TMEM229B: variants seen among roughly 807,000 people sequenced by gnomAD.
The protein encoded by TMEM229B is chromosome 14 open reading frame 83.
TMEM229B carries 6 observed loss-of-function variants against 13.7 expected under a neutral mutation model. The observed-to-expected ratio is 0.44, with a 90% CI of 0.24 to 0.86. TMEM229B has a LOEUF of 0.86. Among genes scored for constraint, TMEM229B ranks in the 40% least tolerant of loss-of-function variants. The pLI, the probability that TMEM229B is intolerant of heterozygous loss-of-function variation, is 0.23. For missense variants in TMEM229B, 170 were observed against 236.0 expected, an observed-to-expected ratio of 0.72 and a Z score of 1.83; for synonymous variants, 107 against 102.1, an observed-to-expected ratio of 1.05 and a Z score of -0.29.
chr14:67,490,520 C>CTCA (rs1435633357), upstream of TMEM229B, among the ~76,000 whole-genome samples: 7 of 152,208 alleles, frequency 4.6e-5, no homozygotes, highest in African/African-American at 1.7e-4. Context: ...TGCTGGCACT[C>CTCA]TCAAAAGCCA....
chr14:67,487,629 A>G (rs2031956541), intron 1 of TMEM229B, among the ~76,000 whole-genome samples: 1 of 152,162 alleles, frequency 6.6e-6, no homozygotes, highest in South Asian at 2.1e-4. Context: ...GTGCAGAAAA[A>G]CAAAATGTGT....
chr14:67,474,914 CTTTTTTT>C (rs71129825), intron 2 of TMEM229B, among the ~76,000 whole-genome samples: 1 of 124,958 alleles, frequency 8.0e-6, no homozygotes, highest in East Asian at 2.3e-4. Flanking sequence ...GAATTTCCTT[CTTTTTTT>C]TTTTTTTTTT....
chr14:67,473,398 A>G lies in TMEM229B; in HGVS notation c.*22T>C, dbSNP rs759298940. 6.2e-6 allele frequency: 10 copies of G among 1,608,630 alleles called. No individual in the cohort carries two copies. Among genetic ancestry groups the G allele is most frequent in the Non-Finnish European group, 8.5e-6 (10 of 1,177,256 alleles). ...TCCATGAGTTCCATGAGAGATCCCC[A>G]GGCCCCCCACCCGCTTCCTGCTCAG... On this transcript the variant is annotated 3_prime_UTR_variant, in exon 3 of 3. Transcript: ENST00000554480. The surrounding 1 kb of genome is among the most constrained non-coding windows in gnomAD (Gnocchi z 6.5).
upstream of TMEM229B, among the ~76,000 whole-genome samples, chr14:67,489,800 C>T (rs890584903): frequency 6.6e-6 from 1 of 152,172 alleles, no homozygotes; most frequent in African/African-American, 2.4e-5. Context: ...ACCATCCTGG[C>T]TAACATGGTG....
intron 2 of TMEM229B, among the ~76,000 whole-genome samples, chr14:67,482,257 GA>G (rs2031630396): frequency 1.3e-5 from 2 of 152,294 alleles, no homozygotes; most frequent in South Asian, 4.1e-4. Context: ...GGTGGCAGGG[GA>G]CATGGCCAGC....
At chr14:67,498,594 A>T (rs1318265839) in intron 1 of TMEM229B, among the ~76,000 whole-genome samples, 1 of 152,224 alleles carries the variant, frequency 6.6e-6, no homozygotes, top group Admixed American at 6.5e-5. Context: ...GCCAAGAAAG[A>T]CGAAGGAATG....
chr14:67,512,055 G>A (rs372659090), intron 1 of TMEM229B, among the ~76,000 whole-genome samples: 3 of 152,314 alleles, frequency 2.0e-5, no homozygotes, highest in Admixed American at 6.5e-5. Context: ...ATTCTGGTAC[G>A]TAAATTCTGA....
rs757183130 is a variant in TMEM229B, at chr14:67,508,753, C to CAAAAAAAAAAAAA, written c.-192+6320_-192+6332dup. The stretch of plus-strand genomic sequence containing the variant: ...TGGGTGACAGAGCAAAACCTTGTCT[C>CAAAAAAAAAAAAA]AAAAAAAAAAAAAAAAAACAGAAGA... On this transcript the variant is annotated intron_variant, in intron 1 of 2. Transcript: ENST00000357461. 1.1e-3 allele frequency among the ~76,000 whole-genome samples: 50 copies of CAAAAAAAAAAAAA among 46,712 alleles called. 8 individuals carry two copies. The highest frequency in any genetic ancestry group is 1.5e-3 in the Non-Finnish European group (32 of 21,312). 30.6% of individuals were successfully genotyped at this position (46,712 alleles called of 152,430 possible).
At chr14:67,488,752 C>T (rs1039090075), upstream of TMEM229B, 2 of 152,424 alleles carry the variant, frequency 1.3e-5, no homozygotes, top group Non-Finnish European at 2.9e-5. Flanking sequence ...AGACCACATC[C>T]TGCCGGCACA....
intron 1 of TMEM229B, among the ~76,000 whole-genome samples, chr14:67,507,762 A>T (rs759428730): frequency 4.6e-5 from 7 of 152,182 alleles, no homozygotes; most frequent in Non-Finnish European, 8.8e-5. Flanking sequence ...CAAGACATAA[A>T]GGTTGCTCCC....
At chr14:67,492,078 C>T (rs890807325), upstream of TMEM229B, among the ~76,000 whole-genome samples, 2 of 152,198 alleles carry the variant, frequency 1.3e-5, no homozygotes, top group African/African-American at 4.8e-5. Context: ...TCCCTCTCCT[C>T]TCCCCCTTCC....
intron 1 of TMEM229B, among the ~76,000 whole-genome samples, chr14:67,507,031 A>G (rs753785247): frequency 2.0e-5 from 3 of 152,146 alleles, no homozygotes; most frequent in Non-Finnish European, 4.4e-5. Context: ...TTCAAAGGGA[A>G]CTGAAGATAG....
chr14:67,486,506 C>A (rs1428689836), intron 2 of TMEM229B, among the ~76,000 whole-genome samples: 4 of 152,140 alleles, frequency 2.6e-5, no homozygotes, highest in Non-Finnish European at 4.4e-5. Flanking sequence ...ATCTGTTGAC[C>A]TTGCGATCCA....
rs187637148 is a variant in TMEM229B at position 67,497,947 on chromosome 14, G to A, written c.-191-10775C>T. Among the ~76,000 whole-genome samples, 28 of 152,120 alleles carry A rather than the reference G, an allele frequency of 1.8e-4. No homozygotes were observed. The East Asian group carries it at 4.8e-3, about 26-fold the overall frequency. ...ACCACATATTAGAATACATAATGAT[G>A]TATTGCTGGGGCTCAGAAACCAATA... On this transcript the variant is annotated intron_variant, in intron 1 of 2. Transcript: ENST00000357461.
chr14:67,519,855 T>G (rs1002281699), upstream of TMEM229B, among the ~76,000 whole-genome samples: 2 of 152,168 alleles, frequency 1.3e-5, no homozygotes, highest in Non-Finnish European at 2.9e-5. Context: ...CCCATGTAGC[T>G]GGGACTACAG....
At chr14:67,502,846 T>C (rs2032666618) in intron 1 of TMEM229B, among the ~76,000 whole-genome samples, 4 of 152,132 alleles carry the variant, frequency 2.6e-5, no homozygotes, top group Admixed American at 2.6e-4. Flanking sequence ...ATTAAATACT[T>C]TCTGTGTGTA....
rs775833297 is a variant in TMEM229B at position 67,473,979 on chromosome 14, G to A, written c.-18-38C>T. 4.5e-5 allele frequency: 69 copies of A among 1,525,724 alleles called. No individual in the cohort carries two copies. The highest frequency in any genetic ancestry group is 7.7e-5 in the South Asian group (6 of 77,794). The allele number at this position is 1,525,724 out of a possible 1,614,324, so 94.5% of individuals were successfully genotyped here. A position where few individuals can be genotyped will look rare whatever the true frequency, so the allele number is the denominator to read the frequency against. ...CAAGAGAGACAGGTGAGGGCCGGGC[G>A]CGGTGGCTCACGCCTATAATCCCTG... On this transcript the variant is annotated intron_variant, in intron 2 of 2. Transcript: ENST00000554480. The surrounding 1 kb of genome is among the most constrained non-coding windows in gnomAD (Gnocchi z 6.5).
chr14:67,473,669 G>T lies in TMEM229B; in HGVS notation c.255C>A (p.Tyr85Ter). The T allele has an allele frequency of 6.3e-7, 1 of 1,581,264 alleles. No individual in the cohort carries two copies. The highest frequency in any genetic ancestry group is 8.6e-7 in the Non-Finnish European group (1 of 1,163,758). ...TGAAGCCGGTGGTGAACTCCCACAGGTAGGTCCAGAGCGTGTAGATGAGGC... is the reference window on the plus strand; with the variant it reads ...TGAAGCCGGTGGTGAACTCCCACAGTTAGGTCCAGAGCGTGTAGATGAGGC... ...LRCLIYTLWT[Y>*]LWEFTTGFIL... is the part of the protein sequence containing the mutation. The change falls in exon 3 of 3, where the codon TAC (tyrosine) becomes TAA (stop). Residue 85 changes from tyrosine to a stop codon, truncating the protein, a stop_gained. Coordinates refer to ENST00000554480, the MANE Select transcript of TMEM229B (RefSeq NM_001348543.2). LOFTEE classifies it high-confidence loss of function. The surrounding 1 kb of genome is among the most constrained non-coding windows in gnomAD (Gnocchi z 6.5).
intron 2 of TMEM229B, among the ~76,000 whole-genome samples, chr14:67,479,119 C>T (rs959556835): frequency 4.6e-5 from 7 of 152,044 alleles, no homozygotes; most frequent in Non-Finnish European, 1.0e-4. Context: ...CTTAAAAATG[C>T]TTATGGAGGC....
Sources: gnomAD v4.1 joint callset for allele counts (sites outside exome capture counted in the v4.1 genomes callset) on GRCh38, gnomAD v4.1.1 for gene constraint, Gnocchi (gnomAD v3.1) non-coding constraint, MANE v1.5 for transcripts, NCBI Gene and HGNC (gene_info 2026-07-23, HGNC 2026-07-21) for gene names.